Variants in MACROH2A2 observed in about 807,000 individuals in gnomAD.
MACROH2A2 encodes the protein core histone macro-H2A.2.
In MACROH2A2, 6 loss-of-function variants were observed where a neutral mutation model predicts 37.6. The ratio of observed to expected loss-of-function variants is 0.16; its 90% CI spans 0.09 to 0.32. The LOEUF is 0.32. MACROH2A2 is among the 10% of genes least tolerant of loss of function. The pLI is 1.00. For synonymous variants in MACROH2A2, 192 were observed against 202.7 expected, an observed-to-expected ratio of 0.95 and a Z score of 0.45; for missense variants, 290 against 485.9, an observed-to-expected ratio of 0.60 and a Z score of 3.79.
At chr10:70,110,510 C>G (rs1281693723) in intron 8 of MACROH2A2, among the ~76,000 whole-genome samples, 1 of 152,158 alleles carries the variant, frequency 6.6e-6, no homozygotes, top group Non-Finnish European at 1.5e-5. Flanking sequence ...CTTCTGTTTG[C>G]TTGTTTGAAG....
At chr10:70,082,958 G>A (rs1386847319) in intron 2 of MACROH2A2, among the ~76,000 whole-genome samples, 1 of 151,768 alleles carries the variant, frequency 6.6e-6, no homozygotes, top group African/African-American at 2.4e-5. Context: ...TGGTTAAATG[G>A]TAGATGTATG....
intron 2 of MACROH2A2, among the ~76,000 whole-genome samples, chr10:70,083,387 T>G (rs2072193009): frequency 6.6e-6 from 1 of 152,208 alleles, no homozygotes; most frequent in Non-Finnish European, 1.5e-5. Flanking sequence ...AGCAGTGCTC[T>G]TCACCCCCAC....
intron 1 of MACROH2A2, among the ~76,000 whole-genome samples, chr10:70,059,516 G>A (rs149189709): frequency 0.039 from 5,905 of 151,908 alleles, 152 homozygotes; most frequent in Non-Finnish European, 0.056. Flanking sequence ...GATTACAGAC[G>A]TGCGCCACCA....
chr10:70,060,368 A>T (rs1336412357), intron 1 of MACROH2A2, among the ~76,000 whole-genome samples: 1 of 122,558 alleles, frequency 8.2e-6, no homozygotes, highest in Admixed American at 1.0e-4. Flanking sequence ...AGACTCTCTT[A>T]AAAAAAAAAG....
At position 70,107,812 on chromosome 10, in the gene MACROH2A2, A is replaced by T. The variant is rs1404430367; in HGVS notation, c.779-1221A>T. Reference sequence around the variant, plus strand: ...AATCAAGTTCAGTGGTTCTCAACTCATAGAAGGTCCTAAAATCACATAAGC... The same window carrying T: ...AATCAAGTTCAGTGGTTCTCAACTCTTAGAAGGTCCTAAAATCACATAAGC... On this transcript the variant is annotated intron_variant, in intron 7 of 8. Coordinates refer to ENST00000373255, the MANE Select transcript of MACROH2A2 (RefSeq NM_018649.3). This position sits in a 1 kb window ranked among gnomAD's most constrained non-coding sequence, Gnocchi z 4.4. Among the ~76,000 whole-genome samples the T allele has an allele frequency of 2.6e-5, 4 of 152,180 alleles. No individual in the cohort carries two copies. Among genetic ancestry groups the T allele is most frequent in the African/African-American group, 9.7e-5 (4 of 41,432 alleles).
chr10:70,077,978 C>T (rs950804871), intron 2 of MACROH2A2, among the ~76,000 whole-genome samples: 1 of 152,206 alleles, frequency 6.6e-6, no homozygotes, highest in African/African-American at 2.4e-5. Context: ...GACTCCCTCA[C>T]GCCCTCGACC....
rs1323979142 is a variant in MACROH2A2, at chr10:70,107,305, C to T, written c.779-1728C>T. On this transcript the variant is annotated intron_variant, in intron 7 of 8. Coordinates refer to ENST00000373255, the MANE Select transcript of MACROH2A2 (RefSeq NM_018649.3). This position sits in a 1 kb window ranked among gnomAD's most constrained non-coding sequence, Gnocchi z 4.4. ...ACTTCCCTGACACTGTGGACATTGC[C>T]AGGAAATACTTATATAAACTAGGTG... is the stretch of plus-strand genomic sequence containing the variant. Among the ~76,000 whole-genome samples the T allele has an allele frequency of 6.6e-6, 1 of 152,208 alleles. No homozygotes were observed. The highest frequency in any genetic ancestry group is 2.4e-5 in the African/African-American group (1 of 41,454).
chr10:70,102,064 T>C (rs2072310085), intron 7 of MACROH2A2, among the ~76,000 whole-genome samples: 2 of 152,150 alleles, frequency 1.3e-5, no homozygotes, highest in African/African-American at 4.8e-5. Flanking sequence ...CCTTGTACCC[T>C]CAGTCAGTGC....
intron 7 of MACROH2A2, among the ~76,000 whole-genome samples, chr10:70,105,631 T>C (rs540519161): frequency 1.3e-5 from 2 of 151,768 alleles, no homozygotes; most frequent in South Asian, 4.2e-4. Flanking sequence ...ATTCTGAGTT[T>C]AAATGTGGAG....
At chr10:70,090,456 T>C (rs1270460930) in intron 3 of MACROH2A2, among the ~76,000 whole-genome samples, 1 of 152,242 alleles carries the variant, frequency 6.6e-6, no homozygotes, top group Non-Finnish European at 1.5e-5. Flanking sequence ...AATGTTATTC[T>C]CTTCACTTTC....
At position 70,065,220 on chromosome 10, in the gene MACROH2A2, G is replaced by T. The variant is rs527991166; in HGVS notation, c.-59-10380G>T. On this transcript the variant is annotated intron_variant, in intron 1 of 8. Transcript: ENST00000373255. The stretch of plus-strand genomic sequence containing the variant: ...GCCTCTCTAGTAGCTGGGATTACAG[G>T]CACGCACCACCACGCTCAGCTAATT... Among the ~76,000 whole-genome samples the T allele has an allele frequency of 5.3e-5, 8 of 151,980 alleles. No individual in the cohort carries two copies. The East Asian group carries it at 1.5e-3, about 29-fold the overall frequency.
Position 70,100,194 on chromosome 10 carries a change from G to T in MACROH2A2, c.689-14G>T. ...AGAACAACCACAGTGGCTTCCCATTGCTCTCCTTTGCAGGTAAAGCCTTGG... is the reference window on the plus strand; with the variant it reads ...AGAACAACCACAGTGGCTTCCCATTTCTCTCCTTTGCAGGTAAAGCCTTGG... On this transcript the variant is annotated splice_polypyrimidine_tract_variant and intron_variant, in intron 6 of 8. Coordinates refer to ENST00000373255, the MANE Select transcript of MACROH2A2 (RefSeq NM_018649.3). The T allele has an allele frequency of 6.8e-7, 1 of 1,474,014 alleles. No individual in the cohort carries two copies. The highest frequency in any genetic ancestry group is 9.5e-7 in the Non-Finnish European group (1 of 1,054,350). 91.3% of individuals were successfully genotyped at this position (1,474,014 alleles called of 1,614,324 possible).
intron 1 of MACROH2A2, among the ~76,000 whole-genome samples, chr10:70,061,816 G>A (rs1416706431): frequency 2.6e-5 from 4 of 152,150 alleles, no homozygotes; most frequent in South Asian, 2.1e-4. Context: ...TTTGATCTGC[G>A]TGCCATTTTG....
rs554922117 is a variant in MACROH2A2 at position 70,081,263 on chromosome 10, G to A, written c.172+5433G>A. On this transcript the variant is annotated intron_variant, in intron 2 of 8. Transcript: ENST00000373255. ...GCATGAAAAGTGCTTAGCACCGCTC[G>A]GCACACATGAGCAACTCCATCCATG... 1.4e-4 allele frequency among the ~76,000 whole-genome samples: 22 copies of A among 152,094 alleles called. No homozygotes were observed. The East Asian group carries it at 4.3e-3, about 29-fold the overall frequency.
At chr10:70,093,051 G>A (rs1272719021) in intron 4 of MACROH2A2, among the ~76,000 whole-genome samples, 1 of 151,878 alleles carries the variant, frequency 6.6e-6, no homozygotes. Context: ...ACCCAGGCTG[G>A]AGTACAGTAA....
chr10:70,076,264 G>C (rs1350083412), intron 2 of MACROH2A2, among the ~76,000 whole-genome samples: 2 of 152,136 alleles, frequency 1.3e-5, no homozygotes, highest in African/African-American at 4.8e-5. Flanking sequence ...TTTAAACTGG[G>C]ACTCAGGGTC....
intron 3 of MACROH2A2, among the ~76,000 whole-genome samples, 187 bp from the exon 4 acceptor site, chr10:70,091,570 G>T (rs958037654): frequency 6.6e-6 from 1 of 151,950 alleles, no homozygotes; most frequent in Admixed American, 6.6e-5. Flanking sequence ...AGCTGCTCAG[G>T]AGGCTGAGGT....
chr10:70,108,951 C>T lies in MACROH2A2; in HGVS notation c.779-82C>T. On this transcript the variant is annotated intron_variant, in intron 7 of 8. Transcript: ENST00000373255. ...CTCTATCACTGCCTTATCTCCAGAT[C>T]TAACAGGTACCTGATGAGGTTAGGC... is the stretch of plus-strand genomic sequence containing the variant. The T allele has an allele frequency of 7.2e-6, 9 of 1,257,548 alleles. No individual in the cohort carries two copies. The South Asian group carries it at 1.0e-4, about 15-fold the overall frequency. 77.9% of individuals were successfully genotyped at this position (1,257,548 alleles called of 1,614,324 possible).
chr10:70,054,399 C>G (rs915808834), intron 1 of MACROH2A2, among the ~76,000 whole-genome samples: 2 of 152,192 alleles, frequency 1.3e-5, no homozygotes, highest in Non-Finnish European at 2.9e-5. Flanking sequence ...CTGTCCACCT[C>G]AGAGGAATTC....
Sources: allele counts gnomAD v4.1 joint callset (sites outside exome capture counted in the v4.1 genomes callset), GRCh38; gene constraint gnomAD v4.1.1; non-coding constraint Gnocchi (gnomAD v3.1); transcripts MANE v1.5; gene names NCBI Gene and HGNC (gene_info 2026-07-23, HGNC 2026-07-21).